The following RALY variants were observed in gnomAD, a reference collection of about 807,000 sequenced individuals.
RALY encodes RNA-binding protein Raly.
A neutral mutation model predicts 30.7 loss-of-function variants in RALY; 15 were observed. The ratio of observed to expected loss-of-function variants is 0.49; its 90% confidence interval spans 0.33 to 0.75. RALY has a LOEUF of 0.75. RALY is among the 30% of genes least tolerant of loss of function. The pLI, the probability that RALY is intolerant of heterozygous loss-of-function variation, is 0.02. For missense variants in RALY, 339 were observed against 414.3 expected (o/e 0.82, Z 1.58); for synonymous variants, 177 against 170.8 (o/e 1.04, Z -0.28).
In RALY at chr20:34,021,719, C is replaced by T. The variant is rs1029411520; in HGVS notation, c.-92-9803C>T. ...AGTCCTGATTTGCCTTTATTAGCTG[C>T]GTGACCTTGGGCCAGTCACTTAACT... On this transcript the variant is annotated intron_variant, in intron 1 of 9. Transcript: ENST00000246194. Among the ~76,000 whole-genome samples, 5 of 152,056 alleles carry T rather than the reference C, an allele frequency of 3.3e-5. No homozygotes were observed. In the East Asian group the frequency reaches 5.8e-4, roughly 18 times the overall value.
chr20:34,080,602 A>G lies in RALY; in HGVS notation c.*697A>G, dbSNP rs1364315404. ...CTTCTCTCTTCTGGCTTAGGACACT[A>G]TAATTTTTTCATTTGGACGTTGTCC... On this transcript the variant is annotated 3_prime_UTR_variant, in exon 10 of 10. Transcript: ENST00000246194. 3 of 152,310 alleles carry G rather than the reference A, an allele frequency of 2.0e-5. No individual in the cohort carries two copies. The highest frequency in any genetic ancestry group is 4.4e-5 in the Non-Finnish European group (3 of 68,094). 9.4% of individuals were successfully genotyped at this position (152,310 alleles called of 1,614,324 possible). A position where few individuals can be genotyped will look rare whatever the true frequency, so the allele number is the denominator to read the frequency against.
chr20:34,046,669 G>A (rs536352331), intron 2 of RALY, among the ~76,000 whole-genome samples: 2 of 152,198 alleles, frequency 1.3e-5, no homozygotes, highest in South Asian at 2.1e-4. Context: ...TTTTTAAAAA[G>A]CACTGATCTC....
intron 2 of RALY, among the ~76,000 whole-genome samples, chr20:34,068,892 A>G (rs2033650412): frequency 6.6e-6 from 1 of 152,180 alleles, no homozygotes; most frequent in Admixed American, 6.5e-5. Context: ...GGGAGTCCAC[A>G]CAACTGTAGC....
intron 8 of RALY, 91 bp from the exon 9 acceptor site, chr20:34,078,414 G>A: frequency 8.1e-7 from 1 of 1,229,824 alleles, no homozygotes; most frequent in Non-Finnish European, 1.1e-6. Flanking sequence ...ATGCCCTCTG[G>A]ACCATGAAGT....
intron 2 of RALY, among the ~76,000 whole-genome samples, chr20:34,043,607 C>T (rs543569324): frequency 5.2e-4 from 79 of 152,046 alleles, no homozygotes; most frequent in Admixed American, 8.5e-4. Context: ...AGACTTTTGC[C>T]CTTTTCTTTC....
intron 2 of RALY, among the ~76,000 whole-genome samples, chr20:34,067,941 A>G (rs970814548): frequency 2.0e-5 from 3 of 151,346 alleles, no homozygotes; most frequent in African/African-American, 4.9e-5. Context: ...CAGAAGACCC[A>G]TGGGGTAATC....
intron 1 of RALY, among the ~76,000 whole-genome samples, chr20:34,010,451 G>C (rs2031351965): frequency 2.0e-5 from 3 of 152,018 alleles, no homozygotes; most frequent in Admixed American, 2.0e-4. Flanking sequence ...ACTAGGCTGG[G>C]GTCTTGAACT....
chr20:34,070,994 G>A (rs1455341704), intron 2 of RALY, among the ~76,000 whole-genome samples: 1 of 152,098 alleles, frequency 6.6e-6, no homozygotes, highest in Non-Finnish European at 1.5e-5. Context: ...TATGGCCAGG[G>A]CAGGAGGAAA....
intron 1 of RALY, chr20:33,994,410 T>A (rs2030489758): frequency 6.6e-6 from 1 of 152,304 alleles, no homozygotes; most frequent in Admixed American, 6.5e-5. Context: ...TCTGGGCCAG[T>A]AGTTGGCTGG....
chr20:34,082,446 T>G lies in RALY; in HGVS notation c.*2541T>G, dbSNP rs1483795655. The stretch of plus-strand genomic sequence containing the variant: ...ACCCAAGCATGCTTTACTGAGGAAC[T>G]CAACGTTTCAGAGCTTGAGGGTCAG... On this transcript the variant is annotated 3_prime_UTR_variant, in exon 10 of 10. Coordinates refer to ENST00000246194, the MANE Select transcript of RALY (RefSeq NM_016732.3). 1 of 152,224 alleles carries G rather than the reference T, an allele frequency of 6.6e-6. No homozygotes were observed. The highest frequency in any genetic ancestry group is 1.5e-5 in the Non-Finnish European group (1 of 68,052). The allele number at this position is 152,224 out of a possible 1,614,324, so 9.4% of individuals were successfully genotyped here.
chr20:34,002,884 C>T (rs894112374), intron 1 of RALY, among the ~76,000 whole-genome samples: 1 of 152,150 alleles, frequency 6.6e-6, no homozygotes, highest in Non-Finnish European at 1.5e-5. Context: ...TTATTATGCT[C>T]TATTTTGAAA....
intron 2 of RALY, among the ~76,000 whole-genome samples, chr20:34,035,763 G>A (rs1424917983): frequency 6.6e-6 from 1 of 152,180 alleles, no homozygotes; most frequent in Non-Finnish European, 1.5e-5. Flanking sequence ...TCTCTCTGTA[G>A]TTTACGTTCT....
chr20:34,043,274 T>A (rs1442224735), intron 2 of RALY, among the ~76,000 whole-genome samples: 2 of 152,194 alleles, frequency 1.3e-5, no homozygotes, highest in African/African-American at 4.8e-5. Flanking sequence ...GTTACAGAGT[T>A]CCATTTGGAG....
intron 1 of RALY, among the ~76,000 whole-genome samples, chr20:34,019,406 T>C (rs1440147677): frequency 6.6e-6 from 1 of 151,952 alleles, no homozygotes; most frequent in Non-Finnish European, 1.5e-5. Flanking sequence ...AGCAACCTAG[T>C]GAGATGCCTG....
rs2033909401 is a variant in RALY, at chr20:34,077,092, CGGT to C, written c.726_728del (p.Gly243del). The C allele has an allele frequency of 6.2e-7, 1 of 1,604,628 alleles. No individual in the cohort carries two copies. Among genetic ancestry groups the C allele is most frequent in the African/African-American group, 1.3e-5 (1 of 74,644 alleles). ...GCGGCGGTGGTGGTGGCAGCGGTGGCGGTGGCAGTGGTGGTGGCGGTGGCGGTG... is the reference window on the plus strand; with the variant it reads ...GCGGCGGTGGTGGTGGCAGCGGTGGCGGCAGTGGTGGTGGCGGTGGCGGTG... On this transcript the variant is annotated inframe_deletion, in exon 8 of 10. Transcript: ENST00000246194.
intron 2 of RALY, among the ~76,000 whole-genome samples, chr20:34,069,270 A>G (rs2033661039): frequency 6.6e-6 from 1 of 152,200 alleles, no homozygotes; most frequent in African/African-American, 2.4e-5. Context: ...AGGGTTTGCA[A>G]AGTCCTTTTA....
At chr20:34,031,043 C>T (rs566076935) in intron 1 of RALY, among the ~76,000 whole-genome samples, 1 of 117,524 alleles carries the variant, frequency 8.5e-6, no homozygotes, top group African/African-American at 3.5e-5. Context: ...CTTCCCTCCC[C>T]TTCCTCCCCC....
intron 1 of RALY, among the ~76,000 whole-genome samples, chr20:34,025,904 T>TTG (rs2032011920): frequency 7.0e-6 from 1 of 142,200 alleles, no homozygotes; most frequent in African/African-American, 2.5e-5. Flanking sequence ...TGGTTGTTTT[T>TTG]TTTTTTTTTT....
chr20:33,997,970 G>C (rs759708756), intron 1 of RALY, among the ~76,000 whole-genome samples: 16 of 152,214 alleles, frequency 1.1e-4, no homozygotes, highest in Non-Finnish European at 1.9e-4. Context: ...CATGAGGTCA[G>C]TGTGTTGAAT....
Sources: allele counts gnomAD v4.1 joint callset (sites outside exome capture counted in the v4.1 genomes callset), GRCh38; gene constraint gnomAD v4.1.1; transcripts MANE v1.5; gene names NCBI Gene and HGNC (gene_info 2026-07-23, HGNC 2026-07-21).